The following SH2B3 variants were observed in gnomAD, a reference collection of about 807,000 sequenced individuals.
SH2B3 encodes the protein SH2B adaptor protein 3, also known as SH2B adapter protein 3.
In SH2B3, 43 loss-of-function variants were observed where a neutral mutation model predicts 51.9. The ratio of observed to expected loss-of-function variants is 0.83; its 90% CI spans 0.65 to 1.07. The LOEUF (loss-of-function observed/expected upper bound fraction) is 1.07. SH2B3 is among the 50% of genes least tolerant of loss of function. SH2B3 has a pLI of 0.00. For synonymous variants in SH2B3, 396 were observed against 376.0 expected, an observed-to-expected ratio of 1.05 and a Z score of -0.62; for missense variants, 952 against 834.3, an observed-to-expected ratio of 1.14 and a Z score of -1.74.
At position 111,418,653 on chromosome 12, in the gene SH2B3, G is replaced by T; in HGVS notation, c.508G>T (p.Ala170Ser). ...AAAPGTPGEAAETPARPGLAK... is the reference protein window; with the variant it reads ...AAAPGTPGEASETPARPGLAK... ...CGCCCCCGGGACCCCCGGAGAGGCT[G>T]CTGAGACCCCCGCCCGGCCTGGCCT... Residue 170 changes from alanine (A) to serine (S), a missense_variant, in exon 2 of 8, where the codon GCT becomes TCT. Ala to Ser is a moderately conservative substitution (Grantham distance 99). Transcript: ENST00000341259. This position sits in a 1 kb window ranked among gnomAD's most constrained non-coding sequence, Gnocchi z 6.7. The T allele has an allele frequency of 6.7e-7, 1 of 1,485,386 alleles. No homozygotes were observed. Among genetic ancestry groups the T allele is most frequent in the Admixed American group, 2.3e-5 (1 of 44,426 alleles). 92.0% of individuals were successfully genotyped at this position (1,485,386 alleles called of 1,614,324 possible). A position where few individuals can be genotyped will look rare whatever the true frequency, so the allele number is the denominator to read the frequency against.
intron 2 of SH2B3, among the ~76,000 whole-genome samples, chr12:111,430,680 G>T (rs1413476882): frequency 1.3e-5 from 2 of 152,180 alleles, no homozygotes; most frequent in Non-Finnish European, 2.9e-5. Flanking sequence ...CTTGCTGTGT[G>T]GCTCTGGGCC....
chr12:111,430,003 CA>C (rs1288528987), intron 2 of SH2B3, among the ~76,000 whole-genome samples: 3 of 152,218 alleles, frequency 2.0e-5, no homozygotes, highest in Non-Finnish European at 4.4e-5. Context: ...GGCGGGCACA[CA>C]GGCTTAAGAA....
rs1260059927 is a variant in SH2B3, at chr12:111,447,649, C to G, written c.1237-7C>G. ...CAGCCCGAGCCCACCATCCTCTCCT[C>G]CCACAGCACCTGCGCCTGTCGCTGA... On this transcript the variant is annotated splice_region_variant and splice_polypyrimidine_tract_variant and intron_variant, in intron 6 of 7. Transcript: ENST00000341259. 1 of 1,609,504 alleles carries G rather than the reference C, an allele frequency of 6.2e-7. No individual in the cohort carries two copies. The highest frequency in any genetic ancestry group is 8.5e-7 in the Non-Finnish European group (1 of 1,176,620).
At chr12:111,408,453 G>C (rs1021983160) in intron 1 of SH2B3, among the ~76,000 whole-genome samples, 1 of 121,792 alleles carries the variant, frequency 8.2e-6, no homozygotes, top group Non-Finnish European at 1.6e-5. Flanking sequence ...CTCCTTCTCC[G>C]ATAAATAGAA....
Position 111,448,360 on chromosome 12 carries a change from A to T in SH2B3, c.*58A>T. On this transcript the variant is annotated 3_prime_UTR_variant, in exon 8 of 8. Transcript: ENST00000341259. ...CTTGAGGAGCACAGGCAGAAGTGTG[A>T]ACTTGTGAATGTAATTGATCTTTCC... 1.6e-6 allele frequency: 2 copies of T among 1,218,850 alleles called. No homozygotes were observed. The allele number at this position is 1,218,850 out of a possible 1,614,324, so 75.5% of individuals were successfully genotyped here. A position where few individuals can be genotyped will look rare whatever the true frequency, so the allele number is the denominator to read the frequency against.
chr12:111,441,431 G>A (rs1436465108), intron 2 of SH2B3, among the ~76,000 whole-genome samples: 1 of 151,964 alleles, frequency 6.6e-6, no homozygotes, highest in Admixed American at 6.6e-5. Context: ...AGAGAAGGCA[G>A]AGTTGGGACT....
intron 2 of SH2B3, among the ~76,000 whole-genome samples, chr12:111,437,847 C>G (rs935180166): frequency 2.6e-5 from 4 of 152,186 alleles, no homozygotes; most frequent in Non-Finnish European, 5.9e-5. Context: ...AGGTACCTAC[C>G]CAAGTGCTCA....
At chr12:111,428,552 C>T (rs1056887749) in intron 2 of SH2B3, among the ~76,000 whole-genome samples, 2 of 152,120 alleles carry the variant, frequency 1.3e-5, no homozygotes, top group Middle Eastern at 3.2e-3. Context: ...CTCGGGCCCA[C>T]CCTTCTGGCA....
At chr12:111,422,188 C>A (rs778419853) in intron 2 of SH2B3, among the ~76,000 whole-genome samples, 9 of 151,806 alleles carry the variant, frequency 5.9e-5, no homozygotes, top group Non-Finnish European at 1.0e-4. Context: ...CAAGCTGATT[C>A]TCCTGCCTTA....
chr12:111,418,955 A>C lies in SH2B3; in HGVS notation c.732+78A>C. On this transcript the variant is annotated intron_variant, in intron 2 of 7. Transcript: ENST00000341259. The surrounding 1 kb of genome is among the most constrained non-coding windows in gnomAD (Gnocchi z 6.7). ...ACCCTGGGGAGAGCGCGGGCTGGGGAGGTGTGATGGCTTTCCAGCTGGTGG... is the reference window on the plus strand; with the variant it reads ...ACCCTGGGGAGAGCGCGGGCTGGGGCGGTGTGATGGCTTTCCAGCTGGTGG... 1 of 1,284,416 alleles carries C rather than the reference A, an allele frequency of 7.8e-7. No homozygotes were observed. Among genetic ancestry groups the C allele is most frequent in the South Asian group, 1.9e-5 (1 of 52,598 alleles). 79.6% of individuals were successfully genotyped at this position (1,284,416 alleles called of 1,614,324 possible).
chr12:111,432,376 C>T (rs1872562738), intron 2 of SH2B3, among the ~76,000 whole-genome samples: 1 of 152,044 alleles, frequency 6.6e-6, no homozygotes, highest in Non-Finnish European at 1.5e-5. Flanking sequence ...TATAGATGAC[C>T]CTGGGATGAA....
chr12:111,431,033 G>T (rs888029527), intron 2 of SH2B3, among the ~76,000 whole-genome samples: 6 of 147,376 alleles, frequency 4.1e-5, no homozygotes, highest in Non-Finnish European at 7.5e-5. Flanking sequence ...TGGGTGGCGG[G>T]GGGGGCTTCC....
rs1259024925 is a variant in SH2B3, at chr12:111,409,760, A to G, written c.-28+3483A>G. Reference sequence around the variant, plus strand: ...CAGGCCACCACTGGACATCTGCTCAATGGGGCCCTGCTGCCGGGGTGACAA... The same window carrying G: ...CAGGCCACCACTGGACATCTGCTCAGTGGGGCCCTGCTGCCGGGGTGACAA... On this transcript the variant is annotated intron_variant, in intron 1 of 7. Transcript: ENST00000341259. The surrounding 1 kb of genome is among the most constrained non-coding windows in gnomAD (Gnocchi z 4.0). Among the ~76,000 whole-genome samples the G allele has an allele frequency of 6.6e-6, 1 of 152,160 alleles. No individual in the cohort carries two copies. Among genetic ancestry groups the G allele is most frequent in the Non-Finnish European group, 1.5e-5 (1 of 68,016 alleles).
At chr12:111,434,704 G>C in intron 2 of SH2B3, 5 of 833,892 alleles carry the variant, frequency 6.0e-6, no homozygotes, top group African/African-American at 1.8e-5. Context: ...TTTTATTCTA[G>C]TTCTGTCTTG....
chr12:111,425,715 G>A (rs962218323), intron 2 of SH2B3, among the ~76,000 whole-genome samples: 3 of 152,282 alleles, frequency 2.0e-5, no homozygotes, highest in Non-Finnish European at 1.5e-5. Context: ...GGGAGTGGGT[G>A]CAAGGGACCC....
chr12:111,406,526 TG>T lies in SH2B3; in HGVS notation c.-28+254del, dbSNP rs34379720. ...CGTTGGGGTAACTGAGGCCGTGGGA[TG>T]GGGGAGAGGGCATCGCTGACGCCCC... On this transcript the variant is annotated intron_variant, in intron 1 of 7. Coordinates refer to ENST00000341259, the MANE Select transcript of SH2B3 (RefSeq NM_005475.3). This position sits in a 1 kb window ranked among gnomAD's most constrained non-coding sequence, Gnocchi z 5.7. 6.6e-6 allele frequency among the ~76,000 whole-genome samples: 1 copy of T among 152,144 alleles called. No homozygotes were observed. Among genetic ancestry groups the T allele is most frequent in the African/African-American group, 2.4e-5 (1 of 41,438 alleles).
chr12:111,435,076 T>G lies in SH2B3; in HGVS notation c.733-11677T>G. 1 of 1,446,396 alleles carries G rather than the reference T, an allele frequency of 6.9e-7. No homozygotes were observed. The highest frequency in any genetic ancestry group is 1.4e-5 in the African/African-American group (1 of 71,318). 89.6% of individuals were successfully genotyped at this position (1,446,396 alleles called of 1,614,324 possible). On this transcript the variant is annotated intron_variant, in intron 2 of 7. Coordinates refer to ENST00000341259, the MANE Select transcript of SH2B3 (RefSeq NM_005475.3). This position sits in a 1 kb window ranked among gnomAD's most constrained non-coding sequence, Gnocchi z 4.8. ...GGGGCTTTGGGGATCTTGGTGGTGA[T>G]GAGTCCCCTCTCCTCTGGTGCACTC...
Position 111,409,769 on chromosome 12 carries a change from T to G in SH2B3, c.-28+3492T>G, listed in dbSNP as rs1870539813. On this transcript the variant is annotated intron_variant, in intron 1 of 7. Transcript: ENST00000341259. The surrounding 1 kb of genome is among the most constrained non-coding windows in gnomAD (Gnocchi z 4.0). The stretch of plus-strand genomic sequence containing the variant: ...ACTGGACATCTGCTCAATGGGGCCC[T>G]GCTGCCGGGGTGACAAGCATCCCTC... Among the ~76,000 whole-genome samples, 1 of 152,168 alleles carries G rather than the reference T, an allele frequency of 6.6e-6. No homozygotes were observed. The highest frequency in any genetic ancestry group is 1.5e-5 in the Non-Finnish European group (1 of 68,020).
chr12:111,447,653 C>T lies in SH2B3; in HGVS notation c.1237-3C>T, dbSNP rs1874145657. 1.2e-6 allele frequency: 2 copies of T among 1,610,722 alleles called. No homozygotes were observed. The highest frequency in any genetic ancestry group is 1.7e-6 in the Non-Finnish European group (2 of 1,177,654). ...CCGAGCCCACCATCCTCTCCTCCCA[C>T]AGCACCTGCGCCTGTCGCTGACAGA... On this transcript the variant is annotated splice_region_variant and splice_polypyrimidine_tract_variant and intron_variant, in intron 6 of 7. Coordinates refer to ENST00000341259, the MANE Select transcript of SH2B3 (RefSeq NM_005475.3).
Sources: gnomAD v4.1 joint callset for allele counts (sites outside exome capture counted in the v4.1 genomes callset) on GRCh38, gnomAD v4.1.1 for gene constraint, Gnocchi (gnomAD v3.1) non-coding constraint, MANE v1.5 for transcripts, NCBI Gene and HGNC (gene_info 2026-07-23, HGNC 2026-07-21) for gene names.